Variants in ARRDC2 observed in about 807,000 individuals in gnomAD.
The protein encoded by ARRDC2 is arrestin domain containing 2, also known as arrestin domain-containing protein 2.
In ARRDC2, 39 loss-of-function variants were observed where a neutral mutation model predicts 38.9. The ratio of observed to expected loss-of-function variants is 1.00; its 90% CI spans 0.78 to 1.31. The LOEUF is 1.31. ARRDC2 is among the 50% of genes most tolerant of loss of function. ARRDC2 has a pLI of 0.00. For missense variants in ARRDC2, 553 were observed against 588.4 expected, an observed-to-expected ratio of 0.94 and a Z score of 0.62; for synonymous variants, 300 against 261.9, an observed-to-expected ratio of 1.15 and a Z score of -1.41.
At chr19:18,008,116 A>ACCGCCCCCC, upstream of ARRDC2, 3 of 522,500 alleles carry the variant, frequency 5.7e-6, no homozygotes, top group Non-Finnish European at 8.7e-6. Flanking sequence ...AGAGACGGTG[A>ACCGCCCCCC]CCCCACCCCC....
At chr19:18,011,554 A>T (rs1387081119) in intron 7 of ARRDC2, among the ~76,000 whole-genome samples, 2 of 152,176 alleles carry the variant, frequency 1.3e-5, no homozygotes, top group Admixed American at 6.6e-5. Flanking sequence ...ATAAATACAT[A>T]CATGGATAAT....
chr19:18,008,132 C>A, upstream of ARRDC2: 7 of 1,268,330 alleles, frequency 5.5e-6, no homozygotes, highest in Non-Finnish European at 7.1e-6. Context: ...CCCCCCCCCG[C>A]CCTGCCGTAT....
chr19:18,008,971 G>A lies in ARRDC2; in HGVS notation c.342G>A (p.Pro114=). 6.2e-7 allele frequency: 1 copy of A among 1,613,526 alleles called. No individual in the cohort carries two copies. Among genetic ancestry groups the A allele is most frequent in the East Asian group, 2.2e-5 (1 of 44,868 alleles). Residue 114 remains proline, a splice_region_variant and synonymous_variant, in exon 3 of 8, where the codon CCG becomes CCA. Transcript: ENST00000222250. ...HEFLFSFQLP[P]TLVTSFEGKH... ...CTGAAGTCCCGTCCCTCCACCCTAGGACCCTGGTGACATCCTTCGAGGGCA... is the reference window on the plus strand; with the variant it reads ...CTGAAGTCCCGTCCCTCCACCCTAGAACCCTGGTGACATCCTTCGAGGGCA...
In ARRDC2 at chr19:18,008,377, G is replaced by C. The variant is rs542203111; in HGVS notation, c.67G>C (p.Val23Leu). ...LDGATAGVEPVFSGGQAVAGR... is the reference protein window; with the variant it reads ...LDGATAGVEPLFSGGQAVAGR... ...CGGCGCGACCGCGGGCGTCGAGCCC[G>C]TGTTTAGCGGCGGCCAGGCCGTGGC... The change falls in exon 1 of 8, where the codon GTG (valine) becomes CTG (leucine). Residue 23 changes from valine to leucine, a missense_variant. This residue lies in a region of ARRDC2 where 447 missense variants were observed against 456.6 expected (regional missense o/e 0.98). Coordinates refer to ENST00000222250, the MANE Select transcript of ARRDC2 (RefSeq NM_015683.2). 2 of 1,596,266 alleles carry C rather than the reference G, an allele frequency of 1.3e-6. No individual in the cohort carries two copies. Among genetic ancestry groups the C allele is most frequent in the African/African-American group, 1.3e-5 (1 of 74,652 alleles).
rs560979268 is a variant in ARRDC2 at position 18,012,775 on chromosome 19, A to C, written c.1171-138A>C. On this transcript the variant is annotated intron_variant, in intron 7 of 7. Transcript: ENST00000222250. ...AGCTCCAAAACCCTCCTTGCACCCCAGTCTGCCCTAGACACCACCTCCTGA... is the reference window on the plus strand; with the variant it reads ...AGCTCCAAAACCCTCCTTGCACCCCCGTCTGCCCTAGACACCACCTCCTGA... 1.2e-3 allele frequency: 955 copies of C among 816,524 alleles called. 4 individuals are homozygous for C. Among genetic ancestry groups the C allele is most frequent in the Non-Finnish European group, 6.7e-4 (342 of 514,070 alleles). The allele number at this position is 816,524 out of a possible 1,614,324, so 50.6% of individuals were successfully genotyped here. A position where few individuals can be genotyped will look rare whatever the true frequency, so the allele number is the denominator to read the frequency against.
At chr19:18,002,962 G>T (rs1417766767) in intron 1 of ARRDC2, among the ~76,000 whole-genome samples, 3 of 152,150 alleles carry the variant, frequency 2.0e-5, no homozygotes, top group African/African-American at 7.2e-5. Context: ...AATTAGCTGG[G>T]CGTGCTGGTG....
chr19:18,009,300 C>T, intron 3 of ARRDC2, 182 bp downstream of exon 3: 1 of 763,464 alleles, frequency 1.3e-6, no homozygotes, highest in Non-Finnish European at 2.1e-6. Context: ...TGACTCTGGG[C>T]AAGTGTCTTG....
rs1365614357 is a variant in ARRDC2 at position 18,010,371 on chromosome 19, C to A, written c.1012+13C>A. ...GAGCGGCCTGAGGGTAAGCTCCCAC[C>A]CTGCTTGCATGCAGAGGGTGGGTGG... On this transcript the variant is annotated intron_variant, in intron 6 of 7. Transcript: ENST00000222250. The A allele has an allele frequency of 6.2e-7, 1 of 1,603,762 alleles. No homozygotes were observed. The highest frequency in any genetic ancestry group is 1.3e-5 in the African/African-American group (1 of 74,982).
chr19:18,012,930 C>A lies in ARRDC2; in HGVS notation c.1188C>A (p.Leu396=). 1 of 1,613,918 alleles carries A rather than the reference C, an allele frequency of 6.2e-7. No individual in the cohort carries two copies. Among genetic ancestry groups the A allele is most frequent in the Non-Finnish European group, 8.5e-7 (1 of 1,179,948 alleles). The change falls in exon 8 of 8, where the codon CTC becomes CTA. Residue 396 remains leucine (L), a synonymous_variant. Coordinates refer to ENST00000222250, the MANE Select transcript of ARRDC2 (RefSeq NM_015683.2). ...TCTCTTAGGAGGATCCAAACCCACT[C>A]TTGGGGGACATGAGGCCGCGCTGCA... The part of the protein sequence containing the change: ...PLYSEEDPNP[L]LGDMRPRCMT...
intron 1 of ARRDC2, 39 bp from the exon 2 acceptor site, chr19:18,008,672 C>T (rs1000794531): frequency 3.7e-6 from 6 of 1,609,086 alleles, no homozygotes; most frequent in African/African-American, 2.7e-5. Flanking sequence ...GGGACCCCAG[C>T]GCAACCGCTC....
chr19:18,009,017 T>TA lies in ARRDC2; in HGVS notation c.388_389insA (p.Cys130Ter). Residue 130 changes from cysteine to a stop codon, truncating the protein, a stop_gained and frameshift_variant, in exon 3 of 8, where the codon TGT becomes TAGT. Coordinates refer to ENST00000222250, the MANE Select transcript of ARRDC2 (RefSeq NM_015683.2). LOFTEE classifies it high-confidence loss of function. ...FEGKHGSVRYCIKATLHRPWV... is the reference protein window; with the variant it reads ...FEGKHGSVRY ...GGGCAAACACGGTAGTGTCCGCTAC[T>TA]GTATCAAGGCCACCCTGCACCGGCC... 4 of 1,613,730 alleles carry TA rather than the reference T, an allele frequency of 2.5e-6. No homozygotes were observed. The highest frequency in any genetic ancestry group is 3.4e-6 in the Non-Finnish European group (4 of 1,180,000).
chr19:18,005,967 G>A (rs1393742985), upstream of ARRDC2, among the ~76,000 whole-genome samples: 1 of 151,798 alleles, frequency 6.6e-6, no homozygotes, highest in African/African-American at 2.4e-5. Flanking sequence ...GCCGGGCCGA[G>A]GCTCTCCTCA....
chr19:18,009,625 C>G lies in ARRDC2; in HGVS notation c.523C>G (p.Arg175Gly), dbSNP rs367714839. ...AGCGGGGGCTCGGGAAAAGGTTGCCCGATCCTGGTACTGTAACCGTGGCCT... is the reference window on the plus strand; with the variant it reads ...AGCGGGGGCTCGGGAAAAGGTTGCCGGATCCTGGTACTGTAACCGTGGCCT... ...PQAGAREKVA[R>G]SWYCNRGLVS... Residue 175 changes from arginine to glycine, a missense_variant, in exon 4 of 8, where the codon CGA becomes GGA. Arg to Gly is a moderately radical substitution (Grantham distance 125). This residue lies in a region of ARRDC2 where 447 missense variants were observed against 456.6 expected (regional missense o/e 0.98). Coordinates refer to ENST00000222250, the MANE Select transcript of ARRDC2 (RefSeq NM_015683.2). 1 of 1,608,050 alleles carries G rather than the reference C, an allele frequency of 6.2e-7. No individual in the cohort carries two copies. Among genetic ancestry groups the G allele is most frequent in the East Asian group, 2.2e-5 (1 of 44,658 alleles).
chr19:18,009,470 T>C, intron 3 of ARRDC2, 122 bp from the exon 4 acceptor site: 2 of 859,986 alleles, frequency 2.3e-6, no homozygotes, highest in Non-Finnish European at 3.7e-6. Context: ...GTTCCTGGAT[T>C]GTTAAAAAGA....
chr19:18,008,091 T>A, upstream of ARRDC2: 1 of 1,216,286 alleles, frequency 8.2e-7, no homozygotes, highest in Non-Finnish European at 1.1e-6. Flanking sequence ...GTGGAGTCCC[T>A]TCCCGGGGCG....
At chr19:18,002,099 C>T (rs946679450) in intron 1 of ARRDC2, among the ~76,000 whole-genome samples, 9 of 152,122 alleles carry the variant, frequency 5.9e-5, no homozygotes, top group Non-Finnish European at 1.3e-4. Flanking sequence ...GGAGATCTCC[C>T]TGGTGGACCC....
At chr19:18,011,176 T>G (rs1323638633) in intron 7 of ARRDC2, among the ~76,000 whole-genome samples, 1 of 152,164 alleles carries the variant, frequency 6.6e-6, no homozygotes, top group Admixed American at 6.5e-5. Context: ...TTTTGTATTT[T>G]TAGTAGAGAC....
At chr19:18,006,803 C>T (rs184646123), upstream of ARRDC2, among the ~76,000 whole-genome samples, 53 of 152,340 alleles carry the variant, frequency 3.5e-4, no homozygotes, top group African/African-American at 1.3e-3. Flanking sequence ...TTGAGGGAGG[C>T]GCTGGCTCAG....
upstream of ARRDC2, among the ~76,000 whole-genome samples, chr19:18,003,250 C>T (rs1308807304): frequency 6.6e-6 from 1 of 152,084 alleles, no homozygotes; most frequent in African/African-American, 2.4e-5. Context: ...AGACCTCCCA[C>T]CCTCCACTCC....
Sources: allele counts gnomAD v4.1 joint callset (sites outside exome capture counted in the v4.1 genomes callset), GRCh38; gene constraint gnomAD v4.1.1; regional missense constraint gnomAD v4.1.1; transcripts MANE v1.5; gene names NCBI Gene and HGNC (gene_info 2026-07-23, HGNC 2026-07-21).